The following NMBR variants were observed in gnomAD, a reference collection of about 807,000 sequenced individuals.
NMBR encodes the protein neuromedin B receptor.
A neutral mutation model predicts 20.5 loss-of-function variants in NMBR; 16 were observed. The ratio of observed to expected loss-of-function variants is 0.78; its 90% CI spans 0.53 to 1.19. The LOEUF (loss-of-function observed/expected upper bound fraction) is 1.19, where lower values mean the gene tolerates loss of function less well. Ranked by LOEUF, NMBR falls within the 50% of genes most tolerant of loss-of-function variation. The probability of loss-of-function intolerance (pLI) is 0.00; values close to 1 mark genes in which losing one functional copy is unlikely to be tolerated. For missense variants in NMBR, 582 were observed against 499.1 expected (o/e 1.17, Z -1.58); for synonymous variants, 212 against 196.6 (o/e 1.08, Z -0.65).
intron 1 of NMBR, chr6:142,133,768 A>T (rs908552173): frequency 8.9e-5 from 47 of 529,466 alleles, no homozygotes; most frequent in African/African-American, 8.3e-4. Context: ...TACATTTTTT[A>T]AATGTGATAT....
intron 1 of NMBR, among the ~76,000 whole-genome samples, chr6:142,093,447 C>T (rs1354228595): frequency 5.3e-5 from 8 of 151,416 alleles, no homozygotes; most frequent in Admixed American, 2.6e-4. Context: ...ATGATGGTTT[C>T]CAGCTTCATC....
Position 142,078,702 on chromosome 6 carries a change from A to G in NMBR, c.624T>C (p.His208=). The change falls in exon 3 of 4, where the codon CAT becomes CAC. Residue 208 remains histidine, a synonymous_variant. Transcript: ENST00000258042. ...AAATGAGCACTGAATGAATCTTTGG[A>G]TGTAATTCATCTGTTTGAGGGTATG... The part of the protein sequence containing the change: ...CIPYPQTDEL[H]PKIHSVLIFL... 1 of 1,614,000 alleles carries G rather than the reference A, an allele frequency of 6.2e-7. No homozygotes were observed.
At chr6:142,120,761 T>C (rs1328292138) in intron 1 of NMBR, among the ~76,000 whole-genome samples, 1 of 151,924 alleles carries the variant, frequency 6.6e-6, no homozygotes, top group African/African-American at 2.4e-5. Context: ...GCTTCAAAGA[T>C]ATCTACCTGA....
intron 3 of NMBR, among the ~76,000 whole-genome samples, chr6:142,076,324 T>C (rs924443421): frequency 2.6e-5 from 4 of 152,210 alleles, no homozygotes; most frequent in African/African-American, 9.6e-5. Flanking sequence ...TTATTTATTT[T>C]CTTTTTGCTT....
chr6:142,119,052 C>A (rs892095249), intron 1 of NMBR, among the ~76,000 whole-genome samples: 2 of 151,986 alleles, frequency 1.3e-5, no homozygotes, highest in African/African-American at 4.8e-5. Context: ...CAAGGGCAGC[C>A]CTGCAAATGG....
Position 142,075,851 on chromosome 6 carries a change from G to T in NMBR, c.970C>A (p.Leu324Ile). Residue 324 changes from leucine to isoleucine, a missense_variant, in exon 4 of 4, where the codon CTT becomes ATT. Transcript: ENST00000258042. The stretch of plus-strand genomic sequence containing the variant: ...CTGAAGCTTTCACTGAGTAGGTAAA[G>T]AGCAAATGGGTTGACACAAGAATTG... ...FGNSCVNPFA[L>I]YLLSESFRRH... 10 of 1,614,064 alleles carry T rather than the reference G, an allele frequency of 6.2e-6. No individual in the cohort carries two copies. The highest frequency in any genetic ancestry group is 8.5e-6 in the Non-Finnish European group (10 of 1,179,954).
In NMBR at chr6:142,078,743, A is replaced by T; in HGVS notation, c.583T>A (p.Phe195Ile). 1 of 1,614,056 alleles carries T rather than the reference A, an allele frequency of 6.2e-7. No individual in the cohort carries two copies. The highest frequency in any genetic ancestry group is 1.3e-5 in the African/African-American group (1 of 74,998). Residue 195 changes from phenylalanine to isoleucine, a missense_variant, in exon 3 of 4, where the codon TTC becomes ATC. Physicochemically the swap from Phe to Ile is conservative, Grantham distance 21. Coordinates refer to ENST00000258042, the MANE Select transcript of NMBR (RefSeq NM_002511.4). ...ARISSLDNSS[F>I]TACIPYPQTD... ...TGAGGGTATGGGATACATGCTGTGA[A>T]GCTGCTATTATCCAAGCTACTGATG...
In NMBR at chr6:142,139,431, T is replaced by C. The variant is rs910887660; in HGVS notation, c.-664+7613A>G. On this transcript the variant is annotated intron_variant, in intron 1 of 3. Coordinates refer to ENST00000258042, the MANE Select transcript of NMBR (RefSeq NM_002511.4). ...CTTTTGATCCTTTCAATTAGTTCTT[T>C]TCCTGTAAAGATATTTAAAGATGTT... Among the ~76,000 whole-genome samples, 5 of 152,212 alleles carry C rather than the reference T, an allele frequency of 3.3e-5. No homozygotes were observed. The South Asian group carries it at 1.0e-3, about 32-fold the overall frequency.
At chr6:142,080,001 T>C (rs9496256) in intron 2 of NMBR, among the ~76,000 whole-genome samples, 32 of 152,280 alleles carry the variant, frequency 2.1e-4, no homozygotes, top group African/African-American at 7.5e-4. Flanking sequence ...TATTTCTCTT[T>C]AAAGTATTTC....
intron 2 of NMBR, among the ~76,000 whole-genome samples, chr6:142,086,432 T>C (rs183595608): frequency 1.3e-5 from 2 of 152,288 alleles, no homozygotes; most frequent in East Asian, 3.9e-4. Context: ...AACTATTGAT[T>C]GCTATGCTCT....
At chr6:142,082,070 A>G (rs1777108899) in intron 2 of NMBR, among the ~76,000 whole-genome samples, 1 of 152,200 alleles carries the variant, frequency 6.6e-6, no homozygotes, top group Non-Finnish European at 1.5e-5. Flanking sequence ...TAAAAATGGG[A>G]TATTTTTTAC....
chr6:142,130,194 CACTT>C (rs1315655184), intron 1 of NMBR, among the ~76,000 whole-genome samples: 1 of 150,986 alleles, frequency 6.6e-6, no homozygotes, highest in African/African-American at 2.5e-5. Flanking sequence ...ATTTCCCCCT[CACTT>C]ACCCATGTTT....
Position 142,118,592 on chromosome 6 carries a change from G to A in NMBR, c.-664+28452C>T, listed in dbSNP as rs577373947. On this transcript the variant is annotated intron_variant, in intron 1 of 3. Coordinates refer to ENST00000258042, the MANE Select transcript of NMBR (RefSeq NM_002511.4). ...CTCTATAACCTTTCTTTCTCTTTAA[G>A]CTCTTACTCAGCAGGCATGAAATGT... Among the ~76,000 whole-genome samples, 90 of 152,070 alleles carry A rather than the reference G, an allele frequency of 5.9e-4. 1 individual carries two copies. Among genetic ancestry groups the A allele is most frequent in the African/African-American group, 2.0e-3 (82 of 41,504 alleles).
At chr6:142,117,183 G>C (rs146434925) in intron 1 of NMBR, among the ~76,000 whole-genome samples, 25 of 151,924 alleles carry the variant, frequency 1.6e-4, no homozygotes, top group Admixed American at 1.5e-3. Flanking sequence ...CAAACATATA[G>C]AGCTAGAGAA....
At chr6:142,089,444 T>C (rs1777279355) in intron 1 of NMBR, among the ~76,000 whole-genome samples, 123 bp from the exon 2 acceptor site, 1 of 152,238 alleles carries the variant, frequency 6.6e-6, no homozygotes. Flanking sequence ...AATTATTTCC[T>C]ATTGTTGGCA....
chr6:142,129,229 A>G (rs1778096627), intron 1 of NMBR, among the ~76,000 whole-genome samples: 1 of 152,020 alleles, frequency 6.6e-6, no homozygotes. Flanking sequence ...GTACTGGCAT[A>G]TAGTAGTGAT....
At chr6:142,113,987 C>A (rs1777812086) in intron 1 of NMBR, among the ~76,000 whole-genome samples, 1 of 152,144 alleles carries the variant, frequency 6.6e-6, no homozygotes, top group South Asian at 2.1e-4. Context: ...CCCAATTCCC[C>A]CTACGTGGCA....
intron 1 of NMBR, among the ~76,000 whole-genome samples, chr6:142,096,705 G>A (rs916079319): frequency 3.9e-5 from 6 of 152,126 alleles, no homozygotes; most frequent in South Asian, 2.1e-4. Flanking sequence ...GTGCAGAGCC[G>A]AGTTCAATTC....
intron 1 of NMBR, among the ~76,000 whole-genome samples, chr6:142,141,007 T>C (rs935995926): frequency 2.6e-5 from 4 of 152,166 alleles, no homozygotes; most frequent in Non-Finnish European, 4.4e-5. Flanking sequence ...TCTCTCTCAG[T>C]AATAAACTGA....
Sources: gnomAD v4.1 joint callset for allele counts (sites outside exome capture counted in the v4.1 genomes callset) on GRCh38, gnomAD v4.1.1 for gene constraint, MANE v1.5 for transcripts, NCBI Gene and HGNC (gene_info 2026-07-23, HGNC 2026-07-21) for gene names.